FSD1L: variants seen among roughly 807,000 people sequenced by gnomAD.
The protein encoded by FSD1L is FSD1-like protein.
Under a neutral mutation model 71.6 loss-of-function variants are expected in FSD1L, and 45 were observed. The observed-to-expected ratio is 0.63, with a 90% CI of 0.49 to 0.81. The LOEUF is 0.81. Among genes scored for constraint, FSD1L ranks in the 30% least tolerant of loss-of-function variants. The pLI is 0.00. For missense variants in FSD1L, 561 were observed against 618.1 expected, an observed-to-expected ratio of 0.91 and a Z score of 0.98; for synonymous variants, 197 against 207.2, an observed-to-expected ratio of 0.95 and a Z score of 0.42.
At chr9:105,474,989 A>G (rs886256052) in intron 5 of FSD1L, among the ~76,000 whole-genome samples, 1 of 152,350 alleles carries the variant, frequency 6.6e-6, no homozygotes, top group African/African-American at 2.4e-5. Context: ...ACGGATCACC[A>G]GCAAATGGGA....
chr9:105,480,915 G>A (rs1294377272), intron 6 of FSD1L, among the ~76,000 whole-genome samples: 1 of 152,094 alleles, frequency 6.6e-6, no homozygotes, highest in Non-Finnish European at 1.5e-5. Flanking sequence ...TGCAAAATCT[G>A]TCCTTTTTTC....
In FSD1L at chr9:105,544,698, T is replaced by C. The variant is rs558846566; in HGVS notation, c.1468-1660T>C. Among the ~76,000 whole-genome samples, 628 of 152,258 alleles carry C rather than the reference T, an allele frequency of 4.1e-3. 16 individuals are homozygous for C. Among genetic ancestry groups the C allele is most frequent in the Admixed American group, 0.04 (605 of 15,278 alleles). On this transcript the variant is annotated intron_variant, in intron 13 of 13. Transcript: ENST00000481272. ...TTAAATAGGGAATCCTTTCCCCATT[T>C]CTTGTTTTTGTCAGGTTTGTCAAAG...
At chr9:105,457,200 A>T (rs1435189915) in intron 1 of FSD1L, among the ~76,000 whole-genome samples, 1 of 152,238 alleles carries the variant, frequency 6.6e-6, no homozygotes, top group African/African-American at 2.4e-5. Flanking sequence ...AGAGAAACTG[A>T]TAAGTGAGAG....
chr9:105,481,163 GT>G (rs1832154461), intron 6 of FSD1L, among the ~76,000 whole-genome samples: 1 of 135,258 alleles, frequency 7.4e-6, no homozygotes, highest in Non-Finnish European at 1.6e-5. Context: ...GTGTGTGTGT[GT>G]GTGTGTGTGT....
upstream of FSD1L, chr9:105,447,786 C>T (rs1053134124): frequency 3.8e-6 from 1 of 260,586 alleles, no homozygotes; most frequent in African/African-American, 2.3e-5. Context: ...GTCTCCAGCA[C>T]CAGATACTCT....
intron 10 of FSD1L, chr9:105,521,003 T>G (rs1164339038): frequency 1.9e-6 from 3 of 1,611,872 alleles, no homozygotes; most frequent in Non-Finnish European, 2.5e-6. Flanking sequence ...ATTACTTGCC[T>G]TATATTTTTC....
intron 10 of FSD1L, among the ~76,000 whole-genome samples, chr9:105,516,523 C>G (rs7035674): frequency 0.017 from 2,656 of 152,284 alleles, 70 homozygotes; most frequent in African/African-American, 0.06. Flanking sequence ...TGTTGTGCAG[C>G]CTCCGCTGGT....
chr9:105,520,848 G>T, intron 10 of FSD1L: 1 of 1,612,138 alleles, frequency 6.2e-7, no homozygotes, highest in South Asian at 1.1e-5. Context: ...CCCACAATCA[G>T]GAGATAAAGG....
chr9:105,520,942 A>G, intron 10 of FSD1L: 2 of 1,611,918 alleles, frequency 1.2e-6, no homozygotes, highest in Non-Finnish European at 1.7e-6. Context: ...TGGAAGAACA[A>G]AGAAAACCAA....
At chr9:105,492,198 G>T (rs1442684223) in intron 7 of FSD1L, among the ~76,000 whole-genome samples, 1 of 152,126 alleles carries the variant, frequency 6.6e-6, no homozygotes, top group African/African-American at 2.4e-5. Flanking sequence ...TCTATTCAGA[G>T]AATCAACTTC....
At chr9:105,452,669 G>GCCTGCCTGCCTGCCTGCCTT (rs1191519308) in intron 1 of FSD1L, among the ~76,000 whole-genome samples, 19 of 96,232 alleles carry the variant, frequency 2.0e-4, no homozygotes, top group African/African-American at 6.4e-4. Flanking sequence ...CTGCCTGCCT[G>GCCTGCCTGCCTGCCTGCCTT]CCTTCCTTCC....
chr9:105,481,964 G>T (rs1373702657), intron 6 of FSD1L, among the ~76,000 whole-genome samples: 1 of 152,092 alleles, frequency 6.6e-6, no homozygotes, highest in South Asian at 2.1e-4. Context: ...TTGTAGAGAT[G>T]GGGTTTCGCC....
At chr9:105,516,991 G>A (rs1021013670) in intron 10 of FSD1L, among the ~76,000 whole-genome samples, 2 of 152,142 alleles carry the variant, frequency 1.3e-5, no homozygotes, top group Non-Finnish European at 2.9e-5. Context: ...ATGACCCGAT[G>A]GAGCTGAAAA....
intron 1 of FSD1L, among the ~76,000 whole-genome samples, chr9:105,449,930 G>C (rs1389584756): frequency 6.6e-6 from 1 of 152,172 alleles, no homozygotes; most frequent in African/African-American, 2.4e-5. Context: ...TTTCTTAGTA[G>C]TAGTAGTAAT....
At chr9:105,525,857 A>G (rs1835475749) in intron 10 of FSD1L, 1 of 1,590,390 alleles carries the variant, frequency 6.3e-7, no homozygotes, top group African/African-American at 1.3e-5. Context: ...ACCACTCCAT[A>G]TTTTGCTACC....
chr9:105,547,049 A>G lies in FSD1L; in HGVS notation c.*566A>G, dbSNP rs1837046675. 1.3e-5 allele frequency: 2 copies of G among 152,058 alleles called. No homozygotes were observed. The highest frequency in any genetic ancestry group is 2.9e-5 in the Non-Finnish European group (2 of 67,948). 9.4% of individuals were successfully genotyped at this position (152,058 alleles called of 1,614,324 possible). A position where few individuals can be genotyped will look rare whatever the true frequency, so the allele number is the denominator to read the frequency against. ...TTTTCCTCTTTTGTTTATTGACTAG[A>G]TTGTATATAATTTTCTTTTTTCCAA... On this transcript the variant is annotated 3_prime_UTR_variant, in exon 14 of 14. Coordinates refer to ENST00000481272, the MANE Select transcript of FSD1L (RefSeq NM_001145313.3).
chr9:105,544,506 C>T lies in FSD1L; in HGVS notation c.1468-1852C>T, dbSNP rs550120473. Among the ~76,000 whole-genome samples, 22 of 152,236 alleles carry T rather than the reference C, an allele frequency of 1.4e-4. No homozygotes were observed. The South Asian group carries it at 4.4e-3, about 30-fold the overall frequency. ...TCAGACATGAAGTCCTTGCCCATGC[C>T]TATGTCCTGAATGGTATTGCCTTGG... On this transcript the variant is annotated intron_variant, in intron 13 of 13. Coordinates refer to ENST00000481272, the MANE Select transcript of FSD1L (RefSeq NM_001145313.3).
At chr9:105,534,673 GAC>G in intron 11 of FSD1L, 80 bp downstream of exon 11, 1 of 795,846 alleles carries the variant, frequency 1.3e-6, no homozygotes, top group Non-Finnish European at 2.0e-6. Context: ...CACTCAAAGT[GAC>G]TGCCTGTATA....
In FSD1L at chr9:105,506,541, A is replaced by T. The variant is rs780644105; in HGVS notation, c.729A>T (p.Pro243=). 2.6e-6 allele frequency: 4 copies of T among 1,551,290 alleles called. No homozygotes were observed. The East Asian group carries it at 9.8e-5, about 38-fold the overall frequency. Residue 243 remains proline, a synonymous_variant, in exon 8 of 14, where the codon CCA becomes CCT. Coordinates refer to ENST00000481272, the MANE Select transcript of FSD1L (RefSeq NM_001145313.3). ...EHRKTNFDGL[P]RVKDERCWEI... is the part of the protein sequence containing the mutation. The stretch of plus-strand genomic sequence containing the variant: ...GGAAGACTAATTTTGATGGACTTCC[A>T]CGTGTAAAGGATGAGCGATGCTGGG...
Sources: gnomAD v4.1 joint callset for allele counts (sites outside exome capture counted in the v4.1 genomes callset) on GRCh38, gnomAD v4.1.1 for gene constraint, MANE v1.5 for transcripts, NCBI Gene and HGNC (gene_info 2026-07-23, HGNC 2026-07-21) for gene names.